FNDC1: variants seen among roughly 807,000 people sequenced by gnomAD.
FNDC1 encodes the protein fibronectin type III domain-containing protein 1.
FNDC1 carries 96 observed loss-of-function variants against 168.0 expected under a neutral mutation model. That is an observed-to-expected ratio of 0.57 (90% CI 0.48 to 0.68). FNDC1 has a LOEUF of 0.68. Among genes scored for constraint, FNDC1 ranks in the 30% least tolerant of loss-of-function variants. FNDC1 has a pLI of 0.00. For missense variants in FNDC1, 2,587 were observed against 2,482.1 expected (o/e 1.04, Z -0.90); for synonymous variants, 1,099 against 1,025.9 (o/e 1.07, Z -1.36).
intron 14 of FNDC1, chr6:159,241,017 G>T (rs1783408040): frequency 6.6e-6 from 1 of 152,200 alleles, no homozygotes; most frequent in African/African-American, 2.4e-5. Flanking sequence ...AATTCTGTTG[G>T]AAGTTAGTCT....
chr6:159,176,840 CT>C (rs939996444), intron 1 of FNDC1, among the ~76,000 whole-genome samples: 1 of 152,152 alleles, frequency 6.6e-6, no homozygotes, highest in African/African-American at 2.4e-5. Context: ...TTGTTTGGGG[CT>C]TCTTCTATAT....
intron 1 of FNDC1, among the ~76,000 whole-genome samples, chr6:159,185,984 G>A (rs1160413092): frequency 6.6e-6 from 1 of 152,116 alleles, no homozygotes; most frequent in African/African-American, 2.4e-5. Context: ...GACTTGAATG[G>A]GACTAATAAA....
At chr6:159,252,914 GC>G (rs1777299032) in intron 17 of FNDC1, among the ~76,000 whole-genome samples, 1 of 152,174 alleles carries the variant, frequency 6.6e-6, no homozygotes, top group Non-Finnish European at 1.5e-5. Flanking sequence ...GAGTGTATTG[GC>G]CCCACCAAAC....
Position 159,239,529 on chromosome 6 carries a change from C to T in FNDC1, c.4193C>T (p.Thr1398Ile), listed in dbSNP as rs1234733432. The T allele has an allele frequency of 1.6e-5, 25 of 1,592,954 alleles. No homozygotes were observed. Among genetic ancestry groups the T allele is most frequent in the Non-Finnish European group, 2.0e-5 (23 of 1,167,150 alleles). ...DGRTIVDLEGTPVVSPDGLPL... is the reference protein window; with the variant it reads ...DGRTIVDLEGIPVVSPDGLPL... ...GATTTTGTTTCAGATCTGGAAGGGA[C>T]CCCCGTGGTGAGTCCTGACGGCCTC... is the stretch of plus-strand genomic sequence containing the variant. The change falls in exon 14 of 23, where the codon ACC becomes ATC. Residue 1398 changes from threonine (T) to isoleucine (I), a missense_variant. Thr to Ile is a moderately conservative substitution (Grantham distance 89). Coordinates refer to ENST00000297267, the MANE Select transcript of FNDC1 (RefSeq NM_032532.3).
intron 14 of FNDC1, among the ~76,000 whole-genome samples, chr6:159,244,645 A>T (rs150418686): frequency 0.013 from 2,013 of 152,322 alleles, 50 homozygotes; most frequent in African/African-American, 0.045. Flanking sequence ...TTTCCCCTTA[A>T]TTACACTGTG....
chr6:159,220,714 G>C (rs563093054), intron 5 of FNDC1, among the ~76,000 whole-genome samples: 3 of 152,274 alleles, frequency 2.0e-5, no homozygotes, highest in South Asian at 2.1e-4. Context: ...AAGTGCAATG[G>C]CCCCTGGTAT....
At position 159,269,495 on chromosome 6, in the gene FNDC1, TATCTATCC is replaced by T. The variant is rs1312754901; in HGVS notation, c.5569+1573_5569+1580del. On this transcript the variant is annotated intron_variant, in intron 22 of 22. Transcript: ENST00000297267. The stretch of plus-strand genomic sequence containing the variant: ...CTATCTATCTATCTATCTATCTATC[TATCTATCC>T]ATCCATCCATGCATCCATCCATCCA... Among the ~76,000 whole-genome samples the T allele has an allele frequency of 6.4e-3, 381 of 59,354 alleles. 5 individuals are homozygous for T. The highest frequency in any genetic ancestry group is 0.02 in the African/African-American group (360 of 17,584). 38.9% of individuals were successfully genotyped at this position (59,354 alleles called of 152,430 possible).
chr6:159,190,750 G>A (rs1782118952), intron 1 of FNDC1, among the ~76,000 whole-genome samples: 1 of 152,202 alleles, frequency 6.6e-6, no homozygotes. Context: ...GAGCACTTTT[G>A]TGCCCCATGC....
chr6:159,202,069 T>G (rs1456215825), intron 4 of FNDC1, among the ~76,000 whole-genome samples: 1 of 152,242 alleles, frequency 6.6e-6, no homozygotes, highest in Admixed American at 6.5e-5. Context: ...ATTATTGAAC[T>G]TCTATCTGCA....
chr6:159,266,493 G>A (rs431829), intron 21 of FNDC1, among the ~76,000 whole-genome samples: 98,934 of 151,986 alleles, frequency 0.65, 33,219 homozygotes, highest in Middle Eastern at 0.76. Flanking sequence ...ACCTGTAATC[G>A]CAGCACTTTG....
intron 1 of FNDC1, among the ~76,000 whole-genome samples, chr6:159,176,796 TC>T (rs1781769519): frequency 6.6e-6 from 1 of 152,214 alleles, no homozygotes; most frequent in African/African-American, 2.4e-5. Context: ...TGCATGAGGC[TC>T]TGGCCAGAAA....
rs1284523368 is a variant in FNDC1, at chr6:159,232,282, G to C, written c.1770G>C (p.Ala590=). 2 of 1,610,818 alleles carry C rather than the reference G, an allele frequency of 1.2e-6. No individual in the cohort carries two copies. Among genetic ancestry groups the C allele is most frequent in the Non-Finnish European group, 1.7e-6 (2 of 1,178,538 alleles). Residue 590 remains alanine, a synonymous_variant, in exon 11 of 23, where the codon GCG becomes GCC. Transcript: ENST00000297267. This position sits in a 1 kb window ranked among gnomAD's most constrained non-coding sequence, Gnocchi z 4.9. The stretch of plus-strand genomic sequence containing the variant: ...CTGCAGTGAGGGCCCGGATGCCAGC[G>C]CTGCCCCGAAGGGAAGGCGTAGATA... The part of the protein sequence containing the change: ...GRTAVRARMP[A]LPRREGVDKP...
chr6:159,240,051 G>C, intron 14 of FNDC1, 94 bp downstream of exon 14: 1 of 1,202,884 alleles, frequency 8.3e-7, no homozygotes, highest in Non-Finnish European at 1.1e-6. Context: ...GGAGGTATGA[G>C]CACCGTGCAC....
intron 14 of FNDC1, among the ~76,000 whole-genome samples, chr6:159,242,870 T>C (rs1783456007): frequency 6.6e-6 from 1 of 152,252 alleles, no homozygotes; most frequent in Non-Finnish European, 1.5e-5. Flanking sequence ...AATACATCAG[T>C]ACTTCATTTT....
At chr6:159,234,621 C>A in intron 11 of FNDC1, 142 bp downstream of exon 11, 1 of 818,738 alleles carries the variant, frequency 1.2e-6, no homozygotes, top group Non-Finnish European at 1.9e-6. Flanking sequence ...GACATAATTT[C>A]ATCCTCTGAA....
chr6:159,252,893 C>T (rs927754663), intron 17 of FNDC1, among the ~76,000 whole-genome samples: 1 of 152,222 alleles, frequency 6.6e-6, no homozygotes, highest in African/African-American at 2.4e-5. Context: ...GAAACATTGG[C>T]TGCAGAATGA....
At chr6:159,262,974 A>C (rs1342140420) in intron 19 of FNDC1, among the ~76,000 whole-genome samples, 2 of 152,270 alleles carry the variant, frequency 1.3e-5, no homozygotes, top group Non-Finnish European at 2.9e-5. Flanking sequence ...CTAGGCGAGC[A>C]ACAGGCAAAT....
intron 1 of FNDC1, among the ~76,000 whole-genome samples, chr6:159,193,235 C>T (rs965777140): frequency 1.3e-5 from 2 of 152,112 alleles, no homozygotes; most frequent in Non-Finnish European, 2.9e-5. Context: ...AGAAAAAAAT[C>T]CCAGAATGTC....
chr6:159,217,724 G>A (rs1167579961), intron 5 of FNDC1, among the ~76,000 whole-genome samples: 3 of 152,134 alleles, frequency 2.0e-5, no homozygotes, highest in Non-Finnish European at 2.9e-5. Flanking sequence ...AGAGCCAGGC[G>A]CAGCGTCAAA....
Sources: gnomAD v4.1 joint callset for allele counts (sites outside exome capture counted in the v4.1 genomes callset) on GRCh38, gnomAD v4.1.1 for gene constraint, Gnocchi (gnomAD v3.1) non-coding constraint, MANE v1.5 for transcripts, NCBI Gene and HGNC (gene_info 2026-07-23, HGNC 2026-07-21) for gene names.